The following CLTB variants were observed in gnomAD, a reference collection of about 807,000 sequenced individuals.
CLTB encodes the protein clathrin light chain B, also known as clathrin, light chain (Lcb).
A neutral mutation model predicts 30.5 loss-of-function variants in CLTB; 10 were observed. That is an observed-to-expected ratio of 0.33 (90% CI 0.20 to 0.56). The LOEUF is 0.56. Ranked by LOEUF, CLTB falls within the 20% of genes least tolerant of loss-of-function variation. The pLI is 0.91. For synonymous variants in CLTB, 102 were observed against 120.3 expected (o/e 0.85, Z 1.00); for missense variants, 261 against 308.3 (o/e 0.85, Z 1.15).
At chr5:176,411,194 A>G (rs1329259863) in intron 1 of CLTB, among the ~76,000 whole-genome samples, 1 of 152,206 alleles carries the variant, frequency 6.6e-6, no homozygotes, top group Non-Finnish European at 1.5e-5. Flanking sequence ...GCATGAAAGA[A>G]AGACAACGAC....
chr5:176,398,107 G>A, intron 2 of CLTB, 60 bp from the exon 3 acceptor site: 1 of 1,491,916 alleles, frequency 6.7e-7, no homozygotes, highest in Non-Finnish European at 9.3e-7. Flanking sequence ...TGTCTCTGCT[G>A]CCCCTGCTGG....
At chr5:176,399,636 G>A (rs1240517803) in intron 2 of CLTB, among the ~76,000 whole-genome samples, 1 of 152,134 alleles carries the variant, frequency 6.6e-6, no homozygotes, top group African/African-American at 2.4e-5. Flanking sequence ...GCTCACGCCT[G>A]TAATTCCAGC....
At chr5:176,416,121 C>T (rs1206052924) in intron 1 of CLTB, 56 bp downstream of exon 1, 15 of 1,430,446 alleles carry the variant, frequency 1.0e-5, no homozygotes, top group Middle Eastern at 4.4e-4. Context: ...TGGGCCCCGG[C>T]CGGGGTCCCC....
chr5:176,396,159 C>A (rs879686893), intron 5 of CLTB, among the ~76,000 whole-genome samples: 2 of 152,118 alleles, frequency 1.3e-5, no homozygotes, highest in Non-Finnish European at 2.9e-5. Context: ...CCCTTCACCC[C>A]ACACACCCAC....
Position 176,394,027 on chromosome 5 carries a change from C to G in CLTB, c.519-1082G>C, listed in dbSNP as rs13361615. 3.3e-3 allele frequency among the ~76,000 whole-genome samples: 499 copies of G among 152,330 alleles called. 2 individuals carry two copies. Among genetic ancestry groups the G allele is most frequent in the African/African-American group, 0.011 (469 of 41,574 alleles). On this transcript the variant is annotated intron_variant, in intron 5 of 5. Transcript: ENST00000310418. ...CCGGATCAGGTGACCTGGCCCCTCTCTAGGGATGCTGGCTGTATGCTCATT... is the reference window on the plus strand; with the variant it reads ...CCGGATCAGGTGACCTGGCCCCTCTGTAGGGATGCTGGCTGTATGCTCATT...
At chr5:176,398,419 AT>A (rs1214186300) in intron 2 of CLTB, among the ~76,000 whole-genome samples, 4 of 152,188 alleles carry the variant, frequency 2.6e-5, no homozygotes, top group Non-Finnish European at 4.4e-5. Flanking sequence ...TGAGTTAAAA[AT>A]TATAAAGAAT....
intron 4 of CLTB, among the ~76,000 whole-genome samples, chr5:176,397,092 GT>G (rs769262604): frequency 9.2e-5 from 14 of 152,102 alleles, no homozygotes; most frequent in Non-Finnish European, 1.9e-4. Flanking sequence ...GAACATGTGT[GT>G]TTTTCTCCTC....
At chr5:176,403,042 T>C (rs1011022387) in intron 2 of CLTB, among the ~76,000 whole-genome samples, 2 of 148,614 alleles carry the variant, frequency 1.3e-5, no homozygotes, top group African/African-American at 2.5e-5. Flanking sequence ...CCATAAAGCC[T>C]GCCCTAATTT....
intron 1 of CLTB, among the ~76,000 whole-genome samples, chr5:176,411,661 G>A (rs1757430716): frequency 6.6e-6 from 1 of 152,126 alleles, no homozygotes; most frequent in Non-Finnish European, 1.5e-5. Flanking sequence ...CATCCATGAT[G>A]AGGCCCACCT....
At position 176,401,887 on chromosome 5, in the gene CLTB, C is replaced by G. The variant is rs189983960; in HGVS notation, c.235-3840G>C. 4 of 406,038 alleles carry G rather than the reference C, an allele frequency of 9.9e-6. No individual in the cohort carries two copies. The East Asian group carries it at 2.9e-4, about 29-fold the overall frequency. The allele number at this position is 406,038 out of a possible 1,614,324, so 25.2% of individuals were successfully genotyped here. On this transcript the variant is annotated intron_variant, in intron 2 of 5. Coordinates refer to ENST00000310418, the MANE Select transcript of CLTB (RefSeq NM_007097.5). ...CATCACAATCTCTAAAACTCTCCCT[C>G]CTGCCCTCACCGCCCCTGGCCTGGA... is the stretch of plus-strand genomic sequence containing the variant.
At chr5:176,412,045 A>G (rs369250749) in intron 1 of CLTB, among the ~76,000 whole-genome samples, 2,529 of 152,002 alleles carry the variant, frequency 0.017, 65 homozygotes, top group African/African-American at 0.048. Context: ...GCGTGGTGGC[A>G]GGCGCCTGTA....
In CLTB at chr5:176,416,432, G is replaced by C. The variant is rs1268204842; in HGVS notation, c.-69C>G. The C allele has an allele frequency of 3.8e-6, 5 of 1,319,750 alleles. No individual in the cohort carries two copies. The highest frequency in any genetic ancestry group is 4.9e-6 in the Non-Finnish European group (5 of 1,026,952). The allele number at this position is 1,319,750 out of a possible 1,614,324, so 81.8% of individuals were successfully genotyped here. A position where few individuals can be genotyped will look rare whatever the true frequency, so the allele number is the denominator to read the frequency against. On this transcript the variant is annotated 5_prime_UTR_variant, in exon 1 of 6. Transcript: ENST00000310418. Reference sequence around the variant, plus strand: ...CCCGCGCCTGCCCCGCGCTGCGTCCGGCGGCCGCGACGCTGTCACCCGAGC... The same window carrying C: ...CCCGCGCCTGCCCCGCGCTGCGTCCCGCGGCCGCGACGCTGTCACCCGAGC...
At chr5:176,414,492 C>T (rs958231419) in intron 1 of CLTB, among the ~76,000 whole-genome samples, 13 of 148,158 alleles carry the variant, frequency 8.8e-5, no homozygotes, top group Non-Finnish European at 1.6e-4. Flanking sequence ...AGTACAGAGA[C>T]GTGATCACAG....
chr5:176,398,149 A>C (rs1007172407), intron 2 of CLTB, 102 bp from the exon 3 acceptor site: 5 of 987,242 alleles, frequency 5.1e-6, no homozygotes, highest in Admixed American at 1.8e-5. Context: ...ACTCAGCCTC[A>C]AACAACCTCA....
chr5:176,396,028 G>A (rs373975853), intron 5 of CLTB, among the ~76,000 whole-genome samples: 92 of 152,192 alleles, frequency 6.0e-4, no homozygotes, highest in Middle Eastern at 3.4e-3. Flanking sequence ...TCAGCTACTC[G>A]GGAGGCTGAG....
At position 176,416,240 on chromosome 5, in the gene CLTB, C is replaced by A; in HGVS notation, c.124G>T (p.Glu42Ter). 6.2e-7 allele frequency: 1 copy of A among 1,600,688 alleles called. No individual in the cohort carries two copies. The highest frequency in any genetic ancestry group is 8.5e-7 in the Non-Finnish European group (1 of 1,175,560). Residue 42 changes from glutamate (E) to a stop codon, truncating the protein, a stop_gained, in exon 1 of 6, where the codon GAG becomes TAG. Transcript: ENST00000310418. LOFTEE classifies it high-confidence loss of function. ...ESEIAGIENDEGFGAPAGSHA... is the reference protein window; with the variant it reads ...ESEIAGIEND Reference sequence around the variant, plus strand: ...CTGCCGGCAGGTGCCCCGAAGCCCTCGTCGTTCTCTATGCCTGCAATCTCG... The same window carrying A: ...CTGCCGGCAGGTGCCCCGAAGCCCTAGTCGTTCTCTATGCCTGCAATCTCG...
At position 176,410,619 on chromosome 5, in the gene CLTB, C is replaced by T. The variant is rs536166766; in HGVS notation, c.188-316G>A. On this transcript the variant is annotated intron_variant, in intron 1 of 5. Transcript: ENST00000310418. ...AAAATCACCCAGCCAGTAATAGCTCCTTACCTACCTGAAATCACTGACCCC... is the reference window on the plus strand; with the variant it reads ...AAAATCACCCAGCCAGTAATAGCTCTTTACCTACCTGAAATCACTGACCCC... Among the ~76,000 whole-genome samples the T allele has an allele frequency of 5.9e-5, 9 of 152,310 alleles. No homozygotes were observed. The East Asian group carries it at 1.4e-3, about 23-fold the overall frequency.
Position 176,416,283 on chromosome 5 carries a change from G to C in CLTB, c.81C>G (p.Phe27Leu). 6.2e-7 allele frequency: 1 copy of C among 1,606,184 alleles called. No individual in the cohort carries two copies. The highest frequency in any genetic ancestry group is 1.1e-5 in the South Asian group (1 of 90,622). ...EAAEEDPAAA[F>L]LAQQESEIAG... ...CAATCTCGCTCTCCTGCTGGGCCAG[G>C]AAGGCGGCCGCCGGGTCCTCCTCCG... The change falls in exon 1 of 6, where the codon TTC (phenylalanine) becomes TTG (leucine). Residue 27 changes from phenylalanine to leucine, a missense_variant. By Grantham distance (22) the Phe-to-Leu change is conservative (BLOSUM62 0). Coordinates refer to ENST00000310418, the MANE Select transcript of CLTB (RefSeq NM_007097.5).
intron 2 of CLTB, among the ~76,000 whole-genome samples, chr5:176,398,316 G>T (rs1756652350): frequency 6.6e-6 from 1 of 152,192 alleles, no homozygotes; most frequent in African/African-American, 2.4e-5. Context: ...CCCCAAAGCA[G>T]AAGACTCAAG....
Sources: gnomAD v4.1 joint callset for allele counts (sites outside exome capture counted in the v4.1 genomes callset) on GRCh38, gnomAD v4.1.1 for gene constraint, MANE v1.5 for transcripts, NCBI Gene and HGNC (gene_info 2026-07-23, HGNC 2026-07-21) for gene names.